CDH8: variants seen among roughly 807,000 people sequenced by gnomAD.
CDH8 encodes cadherin 8.
Under a neutral mutation model 68.1 loss-of-function variants are expected in CDH8, and 17 were observed. That is an observed-to-expected ratio of 0.25 (90% CI 0.17 to 0.37). CDH8 has a LOEUF of 0.37. Ranked by LOEUF, CDH8 falls within the 10% of genes least tolerant of loss-of-function variation. The pLI is 1.00. For synonymous variants in CDH8, 372 were observed against 365.1 expected (o/e 1.02, Z -0.21); for missense variants, 763 against 999.3 (o/e 0.76, Z 3.19).
chr16:61,755,792 C>CCTT (rs921608259), intron 8 of CDH8, among the ~76,000 whole-genome samples: 7 of 148,422 alleles, frequency 4.7e-5, no homozygotes, highest in African/African-American at 1.5e-4. Context: ...TCCTTCTCCG[C>CCTT]CTTCTTCTTC....
chr16:62,027,054 T>G (rs1413850274), intron 1 of CDH8, among the ~76,000 whole-genome samples: 2 of 152,232 alleles, frequency 1.3e-5, no homozygotes, highest in African/African-American at 4.8e-5. Context: ...AACCACAGTA[T>G]GTGTGTCTGA....
intron 4 of CDH8, among the ~76,000 whole-genome samples, chr16:61,843,803 G>C (rs1387921054): frequency 6.6e-6 from 1 of 152,078 alleles, no homozygotes; most frequent in East Asian, 1.9e-4. Context: ...CTGAGGAATC[G>C]CCACACTGAC....
At chr16:61,685,320 G>T (rs906064423) in intron 10 of CDH8, among the ~76,000 whole-genome samples, 1 of 151,862 alleles carries the variant, frequency 6.6e-6, no homozygotes, top group African/African-American at 2.4e-5. Context: ...TTAAGGGGAA[G>T]GGTAGAGAAA....
At chr16:62,018,994 G>A (rs1902008496) in intron 2 of CDH8, among the ~76,000 whole-genome samples, 3 of 152,136 alleles carry the variant, frequency 2.0e-5, no homozygotes, top group Admixed American at 1.3e-4. Flanking sequence ...TTTCTACCCA[G>A]ATAAAAATGA....
At chr16:61,839,691 G>C (rs1199287763) in intron 4 of CDH8, among the ~76,000 whole-genome samples, 2 of 152,020 alleles carry the variant, frequency 1.3e-5, no homozygotes, top group Non-Finnish European at 2.9e-5. Context: ...CCCCAACTTT[G>C]CATAAGGCTA....
intron 2 of CDH8, among the ~76,000 whole-genome samples, chr16:61,922,910 A>C (rs1964393759): frequency 6.6e-6 from 1 of 152,246 alleles, no homozygotes; most frequent in African/African-American, 2.4e-5. Context: ...TTCAAAGTAC[A>C]TGTGATAATT....
chr16:61,667,443 C>G lies in CDH8; in HGVS notation c.1655-11722G>C, dbSNP rs1963702410. 2.0e-5 allele frequency: 3 copies of G among 152,124 alleles called. No homozygotes were observed. In the South Asian group the frequency reaches 6.2e-4, roughly 32 times the overall value. The allele number at this position is 152,124 out of a possible 1,614,324, so 9.4% of individuals were successfully genotyped here. A position where few individuals can be genotyped will look rare whatever the true frequency, so the allele number is the denominator to read the frequency against. ...AATACAGAAGATCACTTGGCAGGCT[C>G]TTTCTGCACTGTAACCATCTAGCAG... On this transcript the variant is annotated intron_variant, in intron 10 of 11. Transcript: ENST00000577390.
chr16:62,031,322 G>A (rs1365522722), intron 1 of CDH8, among the ~76,000 whole-genome samples: 2 of 152,112 alleles, frequency 1.3e-5, no homozygotes, highest in Middle Eastern at 3.2e-3. Context: ...ATAGACTTAG[G>A]AGGACTTATG....
intron 3 of CDH8, among the ~76,000 whole-genome samples, chr16:61,857,940 G>T (rs1378923994): frequency 6.6e-6 from 1 of 151,950 alleles, no homozygotes; most frequent in African/African-American, 2.4e-5. Flanking sequence ...AGAAATTTCA[G>T]TTAAAGAGCA....
intron 7 of CDH8, among the ~76,000 whole-genome samples, chr16:61,817,055 A>G (rs1285806614): frequency 1.3e-5 from 2 of 152,114 alleles, no homozygotes; most frequent in Non-Finnish European, 2.9e-5. Flanking sequence ...TCTAAATTCT[A>G]ATATATAATT....
At chr16:61,715,012 A>G (rs760583230) in intron 9 of CDH8, among the ~76,000 whole-genome samples, 8 of 151,640 alleles carry the variant, frequency 5.3e-5, no homozygotes, top group Non-Finnish European at 1.2e-4. Context: ...AAGAAGCACA[A>G]TTTCAGAACT....
At chr16:61,748,711 C>A (rs1960085969) in intron 8 of CDH8, among the ~76,000 whole-genome samples, 2 of 151,922 alleles carry the variant, frequency 1.3e-5, no homozygotes, top group African/African-American at 4.8e-5. Context: ...ATGTAAACTT[C>A]CTTTCTCTAT....
At chr16:61,735,870 C>T (rs1276216413) in intron 8 of CDH8, among the ~76,000 whole-genome samples, 2 of 151,854 alleles carry the variant, frequency 1.3e-5, no homozygotes, top group Non-Finnish European at 2.9e-5. Context: ...GTCAAGAGAT[C>T]GAGACCATCC....
intron 3 of CDH8, among the ~76,000 whole-genome samples, chr16:61,898,281 CAAAAT>C (rs1963904590): frequency 6.8e-6 from 1 of 146,698 alleles, no homozygotes; most frequent in Non-Finnish European, 1.5e-5. Context: ...GCCTGGGAAA[CAAAAT>C]AAGACTCTGT....
intron 7 of CDH8, among the ~76,000 whole-genome samples, chr16:61,808,948 G>A (rs1357161053): frequency 6.6e-6 from 1 of 152,154 alleles, no homozygotes; most frequent in Non-Finnish European, 1.5e-5. Flanking sequence ...CACTTTGGGA[G>A]GCCAAGGCAG....
intron 3 of CDH8, among the ~76,000 whole-genome samples, chr16:61,868,465 G>A (rs538733091): frequency 5.9e-5 from 9 of 152,138 alleles, no homozygotes; most frequent in East Asian, 1.9e-4. Context: ...AAAGAATAAC[G>A]GTAAGGGTTT....
At chr16:61,939,413 G>A (rs1024642491) in intron 2 of CDH8, among the ~76,000 whole-genome samples, 1 of 152,128 alleles carries the variant, frequency 6.6e-6, no homozygotes, top group African/African-American at 2.4e-5. Context: ...TGAAGATGGG[G>A]AAGCATTATT....
chr16:62,017,872 G>A (rs1329267243), intron 2 of CDH8, among the ~76,000 whole-genome samples: 1 of 152,000 alleles, frequency 6.6e-6, no homozygotes, highest in Non-Finnish European at 1.5e-5. Flanking sequence ...GACTCTTCAA[G>A]ACACACAGAA....
chr16:61,995,336 G>A (rs1306764213), intron 2 of CDH8, among the ~76,000 whole-genome samples: 3 of 152,044 alleles, frequency 2.0e-5, no homozygotes, highest in East Asian at 1.9e-4. Context: ...AGATTCTAAA[G>A]CAATAGATCG....
Sources: allele counts gnomAD v4.1 joint callset (sites outside exome capture counted in the v4.1 genomes callset), GRCh38; gene constraint gnomAD v4.1.1; transcripts MANE v1.5; gene names NCBI Gene and HGNC (gene_info 2026-07-23, HGNC 2026-07-21).